CDH13: variants seen among roughly 807,000 people sequenced by gnomAD.
CDH13 encodes cadherin-13.
A neutral mutation model predicts 63.8 loss-of-function variants in CDH13; 24 were observed. That is an observed-to-expected ratio of 0.38 (90% CI 0.27 to 0.53). The LOEUF (loss-of-function observed/expected upper bound fraction) is 0.53. Among genes scored for constraint, CDH13 ranks in the 20% least tolerant of loss-of-function variants. CDH13 has a pLI of 0.85. For synonymous variants in CDH13, 503 were observed against 355.3 expected, an observed-to-expected ratio of 1.42 and a Z score of -4.67; for missense variants, 1,049 against 903.1, an observed-to-expected ratio of 1.16 and a Z score of -2.07.
intron 2 of CDH13, among the ~76,000 whole-genome samples, chr16:82,887,229 TGCAGGCCA>T (rs1281843540): frequency 6.6e-6 from 1 of 152,194 alleles, no homozygotes; most frequent in Non-Finnish European, 1.5e-5. Flanking sequence ...CTTTCAGCTT[TGCAGGCCA>T]GCTGGCCTGT....
intron 2 of CDH13, among the ~76,000 whole-genome samples, chr16:82,952,781 T>G (rs1442037479): frequency 2.0e-5 from 3 of 152,196 alleles, no homozygotes; most frequent in Non-Finnish European, 4.4e-5. Context: ...TGCCACAAGA[T>G]GCTTATCTGT....
At chr16:83,573,139 A>G (rs1164728887) in intron 7 of CDH13, among the ~76,000 whole-genome samples, 1 of 152,222 alleles carries the variant, frequency 6.6e-6, no homozygotes, top group Non-Finnish European at 1.5e-5. Flanking sequence ...CTGCCAAGAA[A>G]TTTAAAGAAT....
At chr16:82,746,130 T>A (rs1447536455) in intron 1 of CDH13, among the ~76,000 whole-genome samples, 1 of 151,818 alleles carries the variant, frequency 6.6e-6, no homozygotes, top group Non-Finnish European at 1.5e-5. Context: ...TATATACATA[T>A]AAGCACACAT....
chr16:82,871,258 G>A (rs2040333525), intron 2 of CDH13, among the ~76,000 whole-genome samples: 1 of 152,202 alleles, frequency 6.6e-6, no homozygotes, highest in Admixed American at 6.5e-5. Context: ...AGGGAACCAT[G>A]TGGTCAGACA....
intron 5 of CDH13, among the ~76,000 whole-genome samples, chr16:83,305,091 G>A (rs62040440): frequency 1.3e-5 from 2 of 152,270 alleles, no homozygotes; most frequent in East Asian, 1.9e-4. Context: ...GTTCTAAGGG[G>A]CTGTCCTGGG....
chr16:83,725,527 C>T (rs1434932429), intron 10 of CDH13: 1 of 152,424 alleles, frequency 6.6e-6, no homozygotes, highest in Admixed American at 6.5e-5. Flanking sequence ...TATGATGTGT[C>T]CTGGTCACGG....
chr16:83,140,938 C>G (rs1247425447), intron 4 of CDH13, among the ~76,000 whole-genome samples: 1 of 152,120 alleles, frequency 6.6e-6, no homozygotes, highest in African/African-American at 2.4e-5. Context: ...GAAAAATGAC[C>G]AGTTATCTTG....
chr16:83,608,629 G>T (rs1301731890), intron 8 of CDH13, among the ~76,000 whole-genome samples: 3 of 151,566 alleles, frequency 2.0e-5, no homozygotes, highest in Admixed American at 6.6e-5. Flanking sequence ...GGGACTTCAG[G>T]CATACACCAC....
intron 5 of CDH13, among the ~76,000 whole-genome samples, chr16:83,251,205 A>G (rs1284502193): frequency 1.3e-5 from 2 of 152,202 alleles, no homozygotes; most frequent in Non-Finnish European, 2.9e-5. Flanking sequence ...AAGGGTATAT[A>G]GGATCTCTGG....
At chr16:83,621,819 A>G (rs1440157309) in intron 8 of CDH13, among the ~76,000 whole-genome samples, 1 of 151,916 alleles carries the variant, frequency 6.6e-6, no homozygotes, top group Non-Finnish European at 1.5e-5. Context: ...AATCAGGACA[A>G]TGTTTTGTGC....
At chr16:82,811,647 T>C (rs146136790) in intron 1 of CDH13, among the ~76,000 whole-genome samples, 1 of 152,276 alleles carries the variant, frequency 6.6e-6, no homozygotes, top group East Asian at 1.9e-4. Flanking sequence ...AGAGGGACCA[T>C]AGAGACCAAC....
chr16:83,546,195 A>G (rs2075382815), intron 7 of CDH13, among the ~76,000 whole-genome samples: 1 of 152,116 alleles, frequency 6.6e-6, no homozygotes, highest in Non-Finnish European at 1.5e-5. Context: ...CTCCAAGTGT[A>G]GAGCGTGGGA....
chr16:83,329,323 T>A (rs2090433405), intron 5 of CDH13, among the ~76,000 whole-genome samples: 1 of 152,138 alleles, frequency 6.6e-6, no homozygotes, highest in African/African-American at 2.4e-5. Flanking sequence ...CTTGCTAGGT[T>A]CAAGTGATTC....
intron 2 of CDH13, among the ~76,000 whole-genome samples, chr16:82,977,448 T>A (rs941311047): frequency 5.9e-5 from 9 of 152,184 alleles, no homozygotes; most frequent in African/African-American, 2.2e-4. Flanking sequence ...GGGAGGAACC[T>A]AGTGGGAGGT....
chr16:82,920,435 G>C (rs911932033), intron 2 of CDH13, among the ~76,000 whole-genome samples: 5 of 152,316 alleles, frequency 3.3e-5, no homozygotes, highest in Non-Finnish European at 7.4e-5. Flanking sequence ...GCTCGTCCAT[G>C]AATCAGTGAT....
Position 83,481,771 on chromosome 16 carries a change from A to G in CDH13, c.782-4706A>G, listed in dbSNP as rs184904779. Reference sequence around the variant, plus strand: ...AATTTATTTTGTCACTCAGGAGAGTATTGTGACGGGGGAAAAGACAGAAAT... The same window carrying G: ...AATTTATTTTGTCACTCAGGAGAGTGTTGTGACGGGGGAAAAGACAGAAAT... On this transcript the variant is annotated intron_variant, in intron 6 of 13. Coordinates refer to ENST00000567109, the MANE Select transcript of CDH13 (RefSeq NM_001257.5). Among the ~76,000 whole-genome samples, 61 of 152,272 alleles carry G rather than the reference A, an allele frequency of 4.0e-4. No homozygotes were observed. The South Asian group carries it at 8.5e-3, about 21-fold the overall frequency.
At chr16:83,157,180 A>G (rs892905106) in intron 4 of CDH13, among the ~76,000 whole-genome samples, 3 of 152,200 alleles carry the variant, frequency 2.0e-5, no homozygotes, top group African/African-American at 7.2e-5. Context: ...TAGTTAAATT[A>G]CTTTTTAATA....
intron 2 of CDH13, among the ~76,000 whole-genome samples, chr16:82,874,103 T>C (rs2040428591): frequency 6.6e-6 from 1 of 152,186 alleles, no homozygotes; most frequent in African/African-American, 2.4e-5. Flanking sequence ...GGCAGCTCCC[T>C]GTATTAAAAC....
intron 8 of CDH13, among the ~76,000 whole-genome samples, chr16:83,631,899 C>T (rs1420146182): frequency 6.6e-6 from 1 of 152,182 alleles, no homozygotes; most frequent in African/African-American, 2.4e-5. Flanking sequence ...ATCCCAGGTG[C>T]CCCTGAAGAC....
Sources: allele counts gnomAD v4.1 joint callset (sites outside exome capture counted in the v4.1 genomes callset), GRCh38; gene constraint gnomAD v4.1.1; transcripts MANE v1.5; gene names NCBI Gene and HGNC (gene_info 2026-07-23, HGNC 2026-07-21).